The following ZDHHC4 variants were observed in gnomAD, a reference collection of about 807,000 sequenced individuals.
ZDHHC4 encodes the protein zDHHC palmitoyltransferase 4.
In ZDHHC4, 42 loss-of-function variants were observed where a neutral mutation model predicts 36.7. That is an observed-to-expected ratio of 1.14 (90% confidence interval 0.89 to 1.48). ZDHHC4 has a LOEUF of 1.48. Among genes scored for constraint, ZDHHC4 ranks in the 40% most tolerant of loss-of-function variants. ZDHHC4 has a pLI of 0.00. For missense variants in ZDHHC4, 457 were observed against 421.5 expected (o/e 1.08, Z -0.74); for synonymous variants, 189 against 166.6 (o/e 1.13, Z -1.03).
intron 7 of ZDHHC4, among the ~76,000 whole-genome samples, chr7:6,585,943 G>A (rs1468116578): frequency 2.6e-5 from 4 of 152,154 alleles, no homozygotes; most frequent in Non-Finnish European, 5.9e-5. Flanking sequence ...CTGAGGTCAG[G>A]AGTTCAAGAC....
intron 3 of ZDHHC4, 23 bp from the exon 4 acceptor site, chr7:6,581,584 C>G (rs1182584582): frequency 1.9e-6 from 3 of 1,577,548 alleles, no homozygotes; most frequent in South Asian, 2.2e-5. Flanking sequence ...GAAATTGAGT[C>G]TTTCTCTTTC....
chr7:6,578,415 A>T (rs1198477586), intron 1 of ZDHHC4, 151 bp from the exon 2 acceptor site: 1 of 152,232 alleles, frequency 6.6e-6, no homozygotes, highest in African/African-American at 2.4e-5. Context: ...GGCCTAAGCA[A>T]CTTAGTCTGG....
At position 6,588,676 on chromosome 7, in the gene ZDHHC4, C is replaced by T. The variant is rs1781441937; in HGVS notation, c.801C>T (p.Ser267=). 3 of 1,614,082 alleles carry T rather than the reference C, an allele frequency of 1.9e-6. No individual in the cohort carries two copies. Among genetic ancestry groups the T allele is most frequent in the Non-Finnish European group, 2.5e-6 (3 of 1,180,046 alleles). The change falls in exon 8 of 8, where the codon AGC becomes AGT. Residue 267 remains serine, a synonymous_variant. Coordinates refer to ENST00000335965, the MANE Select transcript of ZDHHC4 (RefSeq NM_001134389.2). ...VFMLGFVVVL[S]FLLGGYLLFV... is the part of the protein sequence containing the mutation. The stretch of plus-strand genomic sequence containing the variant: ...TGCTGGGCTTTGTCGTGGTTCTGAG[C>T]TTCCTCCTGGGTGGCTACCTGTTGT...
Position 6,588,828 on chromosome 7 carries a change from T to G in ZDHHC4, c.953T>G (p.Ile318Ser), listed in dbSNP as rs1380582472. ...GCAGAGCCCCAAGTCCACCGGAACATTCACTCCCATGGGCTTCGGAGCAAC... is the reference window on the plus strand; with the variant it reads ...GCAGAGCCCCAAGTCCACCGGAACAGTCACTCCCATGGGCTTCGGAGCAAC... Reference protein sequence around the residue: ...PSAEPQVHRNIHSHGLRSNLQ... With the variant: ...PSAEPQVHRNSHSHGLRSNLQ... The change falls in exon 8 of 8, where the codon ATT becomes AGT. Residue 318 changes from isoleucine to serine, a missense_variant. By Grantham distance (142) the Ile-to-Ser change is moderately radical (BLOSUM62 -2). Coordinates refer to ENST00000335965, the MANE Select transcript of ZDHHC4 (RefSeq NM_001134389.2). The G allele has an allele frequency of 8.1e-6, 13 of 1,614,132 alleles. No homozygotes were observed. The highest frequency in any genetic ancestry group is 1.1e-5 in the Non-Finnish European group (13 of 1,180,030).
In ZDHHC4 at chr7:6,587,323, G is replaced by T. The variant is rs547533014; in HGVS notation, c.742-1294G>T. ...GGAATGGGGTTTTGGGTTTTTTGGGGTTTTTTGGTATAGAAAAGTTCAGAC... is the reference window on the plus strand; with the variant it reads ...GGAATGGGGTTTTGGGTTTTTTGGGTTTTTTTGGTATAGAAAAGTTCAGAC... On this transcript the variant is annotated intron_variant, in intron 7 of 7. Transcript: ENST00000335965. 4.6e-5 allele frequency among the ~76,000 whole-genome samples: 7 copies of T among 152,108 alleles called. No individual in the cohort carries two copies. The South Asian group carries it at 1.0e-3, about 23-fold the overall frequency.
Position 6,578,641 on chromosome 7 carries a change from G to A in ZDHHC4, c.-87G>A, listed in dbSNP as rs1780613853. The A allele has an allele frequency of 6.6e-6, 1 of 152,206 alleles. No homozygotes were observed. The highest frequency in any genetic ancestry group is 2.4e-5 in the African/African-American group (1 of 41,454). 9.4% of individuals were successfully genotyped at this position (152,206 alleles called of 1,614,324 possible). ...AGGCACACACTGCTGCCCAAGAGGAGCTGCTGTTTGAATTATCTGTGAATG... is the reference window on the plus strand; with the variant it reads ...AGGCACACACTGCTGCCCAAGAGGAACTGCTGTTTGAATTATCTGTGAATG... On this transcript the variant is annotated 5_prime_UTR_variant, in exon 2 of 8. Transcript: ENST00000335965.
intron 2 of ZDHHC4, 92 bp from the exon 3 acceptor site, chr7:6,580,463 T>C (rs1252266870): frequency 1.3e-5 from 13 of 1,015,326 alleles, no homozygotes; most frequent in Middle Eastern, 2.2e-4. Context: ...AATTCTGTTT[T>C]GGTAGCCATT....
intron 5 of ZDHHC4, 79 bp downstream of exon 5, chr7:6,582,330 C>T (rs1780915450): frequency 8.0e-7 from 1 of 1,257,426 alleles, no homozygotes; most frequent in Non-Finnish European, 1.1e-6. Context: ...GGAGAGGCCC[C>T]CCCTGAGGAC....
Position 6,588,664 on chromosome 7 carries a change from C to T in ZDHHC4, c.789C>T (p.Val263=), listed in dbSNP as rs575033696. Residue 263 remains valine (V), a synonymous_variant, in exon 8 of 8, where the codon GTC becomes GTT. Coordinates refer to ENST00000335965, the MANE Select transcript of ZDHHC4 (RefSeq NM_001134389.2). ...FPRIVFMLGF[V]VVLSFLLGGY... Reference sequence around the variant, plus strand: ...GGATTGTCTTCATGCTGGGCTTTGTCGTGGTTCTGAGCTTCCTCCTGGGTG... The same window carrying T: ...GGATTGTCTTCATGCTGGGCTTTGTTGTGGTTCTGAGCTTCCTCCTGGGTG... 5.3e-5 allele frequency: 86 copies of T among 1,614,182 alleles called. No homozygotes were observed. In the East Asian group the frequency reaches 6.7e-4, roughly 13 times the overall value.
At chr7:6,588,526 G>C in intron 7 of ZDHHC4, 91 bp from the exon 8 acceptor site, 1 of 1,396,008 alleles carries the variant, frequency 7.2e-7, no homozygotes, top group Non-Finnish European at 9.9e-7. Context: ...AGCAGCGCTG[G>C]TGGCTGTGGC....
intron 5 of ZDHHC4, among the ~76,000 whole-genome samples, chr7:6,583,019 A>G (rs543007968): frequency 8.2e-4 from 125 of 152,254 alleles, no homozygotes; most frequent in African/African-American, 2.9e-3. Context: ...AACAAAAAAA[A>G]TACAAAAATT....
At chr7:6,580,157 C>G (rs1011370499) in intron 2 of ZDHHC4, among the ~76,000 whole-genome samples, 1 of 151,950 alleles carries the variant, frequency 6.6e-6, no homozygotes, top group Non-Finnish European at 1.5e-5. Flanking sequence ...GTTTATCTTT[C>G]TTTTTTTATT....
At position 6,588,821 on chromosome 7, in the gene ZDHHC4, CG is replaced by C; in HGVS notation, c.948del (p.Asn317ThrfsTer38). Reference sequence around the variant, plus strand: ...TCCGTCAGCAGAGCCCCAAGTCCACCGGAACATTCACTCCCATGGGCTTCGG... The same window carrying C: ...TCCGTCAGCAGAGCCCCAAGTCCACCGAACATTCACTCCCATGGGCTTCGG... Reference protein sequence around the residue: ...WPPSAEPQVHRNIHSHGLRSN... With the variant: ...WPPSAEPQVHXNIHSHGLRSN... On this transcript the variant is annotated frameshift_variant, in exon 8 of 8. Coordinates refer to ENST00000335965, the MANE Select transcript of ZDHHC4 (RefSeq NM_001134389.2). LOFTEE classifies it high-confidence loss of function. 1 of 1,614,176 alleles carries C rather than the reference CG, an allele frequency of 6.2e-7. No homozygotes were observed. The highest frequency in any genetic ancestry group is 8.5e-7 in the Non-Finnish European group (1 of 1,180,020).
Position 6,582,306 on chromosome 7 carries a change from A to C in ZDHHC4, c.370+55A>C, listed in dbSNP as rs1000461208. ...GTGACAGCTCCACTGTCTTACTAAT[A>C]GTGCTGCAAACAAGGAGAGGCCCCC... On this transcript the variant is annotated intron_variant, in intron 5 of 7. Coordinates refer to ENST00000335965, the MANE Select transcript of ZDHHC4 (RefSeq NM_001134389.2). 6 of 1,493,386 alleles carry C rather than the reference A, an allele frequency of 4.0e-6. No homozygotes were observed. In the African/African-American group the frequency reaches 7.0e-5, roughly 17 times the overall value. 92.5% of individuals were successfully genotyped at this position (1,493,386 alleles called of 1,614,324 possible).
At position 6,585,150 on chromosome 7, in the gene ZDHHC4, G is replaced by A; in HGVS notation, c.631G>A (p.Val211Met). The stretch of plus-strand genomic sequence containing the variant: ...GGCCTCGGCTGCCACCGTCGCCATT[G>A]TGAGCACCACTTTTCTGGTCCACTT... Reference protein sequence around the residue: ...LTASAATVAIVSTTFLVHLVV... With the variant: ...LTASAATVAIMSTTFLVHLVV... The change falls in exon 7 of 8, where the codon GTG (valine) becomes ATG (methionine). Residue 211 changes from valine (V) to methionine (M), a missense_variant. By Grantham distance (21) the Val-to-Met change is conservative. Coordinates refer to ENST00000335965, the MANE Select transcript of ZDHHC4 (RefSeq NM_001134389.2). The A allele has an allele frequency of 6.2e-7, 1 of 1,614,134 alleles. No individual in the cohort carries two copies. The highest frequency in any genetic ancestry group is 8.5e-7 in the Non-Finnish European group (1 of 1,180,044).
intron 7 of ZDHHC4, 150 bp downstream of exon 7, chr7:6,585,410 G>T (rs983111792): frequency 6.2e-6 from 7 of 1,125,480 alleles, no homozygotes; most frequent in Non-Finnish European, 7.4e-6. Flanking sequence ...GATCGCATGA[G>T]GCTAGGAGTT....
Position 6,580,573 on chromosome 7 carries a change from G to C in ZDHHC4, c.12G>C (p.Leu4=). ...TTTGTAGCTGCAGGATGGACTTTCTGGTCCTCTTCTTGTTCTACCTGGCTT... is the reference window on the plus strand; with the variant it reads ...TTTGTAGCTGCAGGATGGACTTTCTCGTCCTCTTCTTGTTCTACCTGGCTT... MDF[L]VLFLFYLASV... Residue 4 remains leucine, a synonymous_variant, in exon 3 of 8, where the codon CTG becomes CTC. Coordinates refer to ENST00000335965, the MANE Select transcript of ZDHHC4 (RefSeq NM_001134389.2). 1 of 1,614,084 alleles carries C rather than the reference G, an allele frequency of 6.2e-7. No homozygotes were observed. The highest frequency in any genetic ancestry group is 1.3e-5 in the African/African-American group (1 of 75,038).
At chr7:6,585,343 G>A (rs958563089) in intron 7 of ZDHHC4, 83 bp downstream of exon 7, 6 of 1,535,056 alleles carry the variant, frequency 3.9e-6, no homozygotes, top group African/African-American at 1.4e-5. Context: ...ATGAAGTTAG[G>A]TGGGGTGTGG....
rs1781489540 is a variant in ZDHHC4, at chr7:6,589,177, C to G, written c.*267C>G. The G allele has an allele frequency of 2.2e-6, 1 of 451,788 alleles. No individual in the cohort carries two copies. The highest frequency in any genetic ancestry group is 4.1e-6 in the Non-Finnish European group (1 of 245,184). 28.0% of individuals were successfully genotyped at this position (451,788 alleles called of 1,614,324 possible). ...AGGTGATGCTGAGACCTTGGTGTCT[C>G]TAAACTCTGGGCATGTGGACAGGAG... On this transcript the variant is annotated 3_prime_UTR_variant, in exon 8 of 8. Coordinates refer to ENST00000335965, the MANE Select transcript of ZDHHC4 (RefSeq NM_001134389.2).
Sources: allele counts gnomAD v4.1 joint callset (sites outside exome capture counted in the v4.1 genomes callset), GRCh38; gene constraint gnomAD v4.1.1; transcripts MANE v1.5; gene names NCBI Gene and HGNC (gene_info 2026-07-23, HGNC 2026-07-21).